EGFLAM: variants seen among roughly 807,000 people sequenced by gnomAD.
EGFLAM encodes the protein pikachurin.
Under a neutral mutation model 113.1 loss-of-function variants are expected in EGFLAM, and 79 were observed. The ratio of observed to expected loss-of-function variants is 0.70; its 90% CI spans 0.58 to 0.84. The LOEUF (loss-of-function observed/expected upper bound fraction) is 0.84. Ranked by LOEUF, EGFLAM falls within the 40% of genes least tolerant of loss-of-function variation. The probability of loss-of-function intolerance (pLI) is 0.00; values close to 1 mark genes in which losing one functional copy is unlikely to be tolerated. For missense variants in EGFLAM, 1,265 were observed against 1,291.6 expected (o/e 0.98, Z 0.32); for synonymous variants, 504 against 487.6 (o/e 1.03, Z -0.44).
chr5:38,314,919 C>G (rs1738551755), intron 1 of EGFLAM, among the ~76,000 whole-genome samples: 1 of 152,200 alleles, frequency 6.6e-6, no homozygotes, highest in Admixed American at 6.5e-5. Flanking sequence ...TGGAGCGGAG[C>G]TGCAGCTGAG....
intron 1 of EGFLAM, among the ~76,000 whole-genome samples, chr5:38,297,545 A>C (rs1758476321): frequency 6.6e-6 from 1 of 152,180 alleles, no homozygotes; most frequent in Admixed American, 6.5e-5. Flanking sequence ...TGGATTCTGC[A>C]CTGTGGATTT....
intron 6 of EGFLAM, among the ~76,000 whole-genome samples, chr5:38,385,380 A>G (rs1276757210): frequency 6.7e-6 from 1 of 148,206 alleles, no homozygotes; most frequent in Non-Finnish European, 1.5e-5. Context: ...ACCTGTGTAC[A>G]CTCTCCTGTA....
At chr5:38,432,631 A>T (rs1043184716) in intron 15 of EGFLAM, among the ~76,000 whole-genome samples, 1 of 152,246 alleles carries the variant, frequency 6.6e-6, no homozygotes, top group African/African-American at 2.4e-5. Context: ...AGCTCACGAG[A>T]ATACACCTCG....
chr5:38,318,033 C>T (rs990117853), intron 1 of EGFLAM, among the ~76,000 whole-genome samples: 1 of 152,114 alleles, frequency 6.6e-6, no homozygotes, highest in Non-Finnish European at 1.5e-5. Flanking sequence ...TGGCTGTGAG[C>T]GGGCACTTGG....
intron 16 of EGFLAM, among the ~76,000 whole-genome samples, chr5:38,436,767 C>G (rs528907942): frequency 2.0e-5 from 3 of 152,328 alleles, no homozygotes; most frequent in Non-Finnish European, 4.4e-5. Flanking sequence ...CCATTCCTGG[C>G]TTGTCTCAGC....
chr5:38,394,534 C>T (rs1031966083), intron 6 of EGFLAM, among the ~76,000 whole-genome samples: 3 of 151,026 alleles, frequency 2.0e-5, no homozygotes, highest in African/African-American at 7.3e-5. Context: ...CTCAGCCTCC[C>T]GAGTAGCTGG....
intron 20 of EGFLAM, among the ~76,000 whole-genome samples, chr5:38,459,641 T>C (rs1194958724): frequency 3.3e-5 from 5 of 152,136 alleles, no homozygotes; most frequent in Non-Finnish European, 1.5e-5. Context: ...GGGAAGCCAG[T>C]GGGTAAAGTC....
intron 17 of EGFLAM, among the ~76,000 whole-genome samples, chr5:38,441,292 G>T (rs1046135305): frequency 2.6e-5 from 4 of 152,058 alleles, no homozygotes; most frequent in Admixed American, 2.0e-4. Context: ...AAAACATAAG[G>T]TTTGACCTTG....
At chr5:38,348,964 T>C (rs983232972) in intron 3 of EGFLAM, among the ~76,000 whole-genome samples, 12 of 152,184 alleles carry the variant, frequency 7.9e-5, no homozygotes, top group Non-Finnish European at 1.6e-4. Flanking sequence ...CTGATTTAAG[T>C]GGTCTGGAGT....
chr5:38,287,702 T>A (rs1758200098), intron 1 of EGFLAM, among the ~76,000 whole-genome samples: 1 of 152,202 alleles, frequency 6.6e-6, no homozygotes, highest in South Asian at 2.1e-4. Context: ...TAATGACTGG[T>A]AAGGCAGAGG....
Position 38,412,657 on chromosome 5 carries a change from G to A in EGFLAM, c.1494+9G>A, listed in dbSNP as rs748601682. On this transcript the variant is annotated intron_variant, in intron 11 of 21. Coordinates refer to ENST00000322350, the MANE Select transcript of EGFLAM (RefSeq NM_152403.4). Reference sequence around the variant, plus strand: ...TGACAGGCCAGTCTCAGGTATGTATGAGCCCCACACCCTGCCCACCCCACA... The same window carrying A: ...TGACAGGCCAGTCTCAGGTATGTATAAGCCCCACACCCTGCCCACCCCACA... 1.7e-5 allele frequency: 27 copies of A among 1,612,966 alleles called. No individual in the cohort carries two copies. The African/African-American group carries it at 2.8e-4, about 17-fold the overall frequency.
At chr5:38,342,787 C>T (rs150471660) in intron 3 of EGFLAM, among the ~76,000 whole-genome samples, 165 of 152,176 alleles carry the variant, frequency 1.1e-3, no homozygotes, top group African/African-American at 3.4e-3. Flanking sequence ...TGAACATGCA[C>T]CAGTATACGA....
At chr5:38,343,362 C>A (rs575052613) in intron 3 of EGFLAM, among the ~76,000 whole-genome samples, 1 of 148,274 alleles carries the variant, frequency 6.7e-6, no homozygotes, top group Non-Finnish European at 1.5e-5. Context: ...GCCGAGATCG[C>A]GCCATTGCAC....
chr5:38,374,843 C>G (rs1740320902), intron 6 of EGFLAM, among the ~76,000 whole-genome samples: 1 of 152,224 alleles, frequency 6.6e-6, no homozygotes, highest in South Asian at 2.1e-4. Flanking sequence ...AGGTTAAAAG[C>G]AAGATGGAGT....
intron 18 of EGFLAM, among the ~76,000 whole-genome samples, chr5:38,448,743 C>T (rs1051469287): frequency 6.6e-6 from 1 of 152,190 alleles, no homozygotes; most frequent in South Asian, 2.1e-4. Context: ...GACTATGATT[C>T]TGTGAGCAGG....
At chr5:38,414,658 G>T (rs11959246) in intron 11 of EGFLAM, among the ~76,000 whole-genome samples, 3 of 152,138 alleles carry the variant, frequency 2.0e-5, no homozygotes, top group Non-Finnish European at 4.4e-5. Context: ...GCAGTTCCGG[G>T]GTAGTCACCC....
chr5:38,321,454 G>T (rs1738738463), intron 1 of EGFLAM, among the ~76,000 whole-genome samples: 2 of 152,194 alleles, frequency 1.3e-5, no homozygotes, highest in Non-Finnish European at 2.9e-5. Flanking sequence ...CCCCTGTGAT[G>T]TAAGAAGTGA....
intron 1 of EGFLAM, among the ~76,000 whole-genome samples, chr5:38,273,310 CAT>C (rs1267399996): frequency 1.3e-5 from 2 of 152,240 alleles, no homozygotes; most frequent in Non-Finnish European, 2.9e-5. Flanking sequence ...TACCCACAGA[CAT>C]AGCCCCTAGA....
At chr5:38,306,304 C>CA (rs35003087) in intron 1 of EGFLAM, among the ~76,000 whole-genome samples, 152,328 of 152,328 alleles carry the variant, frequency 1, 76,164 homozygotes, top group Non-Finnish European at 1. Flanking sequence ...ACTCACATAT[C>CA]AAGTTCAACA....
Sources: gnomAD v4.1 joint callset for allele counts (sites outside exome capture counted in the v4.1 genomes callset) on GRCh38, gnomAD v4.1.1 for gene constraint, MANE v1.5 for transcripts, NCBI Gene and HGNC (gene_info 2026-07-23, HGNC 2026-07-21) for gene names.